PUM1: variants seen among roughly 807,000 people sequenced by gnomAD.
PUM1 encodes the protein pumilio homolog 1.
In PUM1, 13 loss-of-function variants were observed where a neutral mutation model predicts 131.8. That is an observed-to-expected ratio of 0.10 (90% CI 0.06 to 0.16). PUM1 has a LOEUF of 0.16. Ranked by LOEUF, PUM1 falls within the 10% of genes least tolerant of loss-of-function variation. The pLI is 1.00. For synonymous variants in PUM1, 509 were observed against 556.5 expected (o/e 0.91, Z 1.20); for missense variants, 961 against 1,512.4 (o/e 0.64, Z 6.05).
intron 15 of PUM1, among the ~76,000 whole-genome samples, chr1:30,952,674 C>CGGGGGG (rs1457814000): frequency 2.3e-5 from 1 of 43,414 alleles, no homozygotes; most frequent in African/African-American, 6.0e-5. Context: ...AAGATGAAAG[C>CGGGGGG]GGGGGGGGCG....
At chr1:31,057,909 C>A (rs1644282954) in intron 2 of PUM1, among the ~76,000 whole-genome samples, 1 of 151,948 alleles carries the variant, frequency 6.6e-6, no homozygotes, top group Non-Finnish European at 1.5e-5. Context: ...ACAAAATGAA[C>A]CTTTCCAAAT....
At chr1:30,991,669 AAACT>A (rs1641799230) in intron 7 of PUM1, among the ~76,000 whole-genome samples, 2 of 152,228 alleles carry the variant, frequency 1.3e-5, no homozygotes, top group East Asian at 1.9e-4. Context: ...CAAGATTGGG[AAACT>A]AACAGCCCCT....
intron 2 of PUM1, among the ~76,000 whole-genome samples, chr1:31,033,872 C>A (rs1643520823): frequency 6.6e-6 from 1 of 152,076 alleles, no homozygotes; most frequent in Non-Finnish European, 1.5e-5. Flanking sequence ...TTTTGAATTC[C>A]TGACCTCAAG....
intron 10 of PUM1, among the ~76,000 whole-genome samples, chr1:30,973,996 G>A (rs1641035483): frequency 6.6e-6 from 1 of 151,802 alleles, no homozygotes; most frequent in Non-Finnish European, 1.5e-5. Flanking sequence ...GCTAAGGCAG[G>A]AGAACTGCTT....
intron 3 of PUM1, 26 bp downstream of exon 3, chr1:31,028,770 C>T: frequency 1.3e-6 from 2 of 1,593,540 alleles, no homozygotes; most frequent in Non-Finnish European, 1.7e-6. Context: ...AACAGACCCA[C>T]TTTTCTGACA....
At chr1:30,964,992 G>C in intron 13 of PUM1, 82 bp from the exon 14 acceptor site, 2 of 1,182,488 alleles carry the variant, frequency 1.7e-6, no homozygotes, top group East Asian at 4.7e-5. Context: ...CTAACACTTT[G>C]ATCCAGACTC....
At chr1:31,026,948 A>C (rs925191239) in intron 3 of PUM1, among the ~76,000 whole-genome samples, 14 of 150,116 alleles carry the variant, frequency 9.3e-5, no homozygotes, top group African/African-American at 3.2e-4. Context: ...ATACCACAAA[A>C]AAAAAAAAAA....
intron 2 of PUM1, among the ~76,000 whole-genome samples, chr1:31,057,405 CAA>C (rs1223950994): frequency 1.0e-4 from 7 of 68,738 alleles, no homozygotes; most frequent in Non-Finnish European, 1.0e-4. Flanking sequence ...GACCTTGTCT[CAA>C]AAAAAAAAAA....
chr1:31,005,740 C>T, intron 5 of PUM1, 113 bp downstream of exon 5: 1 of 1,007,636 alleles, frequency 9.9e-7, no homozygotes, highest in South Asian at 1.8e-5. Context: ...GTAATTAATG[C>T]TGTGAACATC....
rs143310604 is a variant in PUM1, at chr1:30,986,716, T to C, written c.1159-5311A>G. 8.1e-3 allele frequency among the ~76,000 whole-genome samples: 1,234 copies of C among 152,302 alleles called. 22 individuals carry two copies. Among genetic ancestry groups the C allele is most frequent in the African/African-American group, 0.028 (1,184 of 41,558 alleles). On this transcript the variant is annotated intron_variant, in intron 7 of 21. Transcript: ENST00000426105. ...GAAAAACTTCACCATAAGTAAAATT[T>C]GAACGAAGTCAAATAACAATAGAAG... is the stretch of plus-strand genomic sequence containing the variant.
At chr1:31,026,923 C>T (rs1319742826) in intron 3 of PUM1, among the ~76,000 whole-genome samples, 2 of 134,344 alleles carry the variant, frequency 1.5e-5, no homozygotes, top group East Asian at 2.1e-4. Flanking sequence ...TTCATGCCCA[C>T]GGAATTATAT....
intron 3 of PUM1, among the ~76,000 whole-genome samples, chr1:31,016,372 C>G (rs550676529): frequency 5.3e-4 from 81 of 151,986 alleles, no homozygotes; most frequent in Non-Finnish European, 1.1e-3. Flanking sequence ...CCATCACAAG[C>G]CAGTTTTTTT....
At chr1:31,000,893 T>C (rs1015376931) in intron 5 of PUM1, among the ~76,000 whole-genome samples, 1 of 152,184 alleles carries the variant, frequency 6.6e-6, no homozygotes, top group African/African-American at 2.4e-5. Flanking sequence ...AAATATAAAT[T>C]AGCTGGGTGT....
intron 9 of PUM1, among the ~76,000 whole-genome samples, chr1:30,976,905 A>G (rs1043196761): frequency 3.9e-5 from 6 of 152,184 alleles, no homozygotes; most frequent in South Asian, 2.1e-4. Flanking sequence ...GGTCTTGGGC[A>G]GTTAAAGAAA....
At chr1:31,047,373 C>T (rs990932667) in intron 2 of PUM1, among the ~76,000 whole-genome samples, 5 of 152,072 alleles carry the variant, frequency 3.3e-5, no homozygotes, top group African/African-American at 7.2e-5. Context: ...GATGATTTAC[C>T]CTATCCTCAG....
At chr1:30,956,372 T>G (rs998913548) in intron 14 of PUM1, among the ~76,000 whole-genome samples, 18 of 152,126 alleles carry the variant, frequency 1.2e-4, no homozygotes, top group Admixed American at 9.8e-4. Context: ...GAAGCAATTC[T>G]CCCACCTCAG....
chr1:31,034,259 TA>T (rs1488694727), intron 2 of PUM1, among the ~76,000 whole-genome samples: 1 of 152,202 alleles, frequency 6.6e-6, no homozygotes, highest in Non-Finnish European at 1.5e-5. Context: ...CCGATTTGAC[TA>T]GTTGTCTGTT....
chr1:31,045,804 G>A (rs747675771), intron 2 of PUM1, among the ~76,000 whole-genome samples: 36 of 151,980 alleles, frequency 2.4e-4, no homozygotes, highest in Non-Finnish European at 4.6e-4. Context: ...AGTTCAGGCT[G>A]AGCCCACTGG....
Position 30,974,822 on chromosome 1 carries a change from G to T in PUM1, c.1355-20C>A. ...CTGGGCCTAAAAATAGCAAAAGAAAGGTAAAGAAAGTCTGAACTACTGAGG... is the reference window on the plus strand; with the variant it reads ...CTGGGCCTAAAAATAGCAAAAGAAATGTAAAGAAAGTCTGAACTACTGAGG... On this transcript the variant is annotated intron_variant, in intron 9 of 21. Transcript: ENST00000426105. 1.9e-6 allele frequency: 3 copies of T among 1,590,844 alleles called. No homozygotes were observed. The highest frequency in any genetic ancestry group is 2.6e-6 in the Non-Finnish European group (3 of 1,167,014).
Sources: allele counts gnomAD v4.1 joint callset (sites outside exome capture counted in the v4.1 genomes callset), GRCh38; gene constraint gnomAD v4.1.1; transcripts MANE v1.5; gene names NCBI Gene and HGNC (gene_info 2026-07-23, HGNC 2026-07-21).